The following NR2C2 variants were observed in gnomAD, a reference collection of about 807,000 sequenced individuals.
NR2C2 encodes the protein nuclear receptor subfamily 2 group C member 2.
Under a neutral mutation model 62.9 loss-of-function variants are expected in NR2C2, and 6 were observed. That is an observed-to-expected ratio of 0.10 (90% CI 0.05 to 0.19). The LOEUF (loss-of-function observed/expected upper bound fraction) is 0.19, where lower values mean the gene tolerates loss of function less well. NR2C2 is among the 10% of genes least tolerant of loss of function. The pLI is 1.00. For synonymous variants in NR2C2, 272 were observed against 273.8 expected (o/e 0.99, Z 0.07); for missense variants, 479 against 762.7 (o/e 0.63, Z 4.38).
rs775314702 is a variant in NR2C2, at chr3:15,028,615, A to G, written c.828A>G (p.Thr276=). The G allele has an allele frequency of 3.7e-5, 59 of 1,613,868 alleles. No homozygotes were observed. The highest frequency in any genetic ancestry group is 1.4e-5 in the Non-Finnish European group (17 of 1,179,868). ...KAETSQGALG[T]LANVVTSLAN... Reference sequence around the variant, plus strand: ...AAACAAGCCAGGGAGCTCTGGGCACACTGGCAAATGTAGTGACCTCCCTTG... The same window carrying G: ...AAACAAGCCAGGGAGCTCTGGGCACGCTGGCAAATGTAGTGACCTCCCTTG... The change falls in exon 8 of 14, where the codon ACA becomes ACG. Residue 276 remains threonine, a synonymous_variant. Transcript: ENST00000425241.
intron 2 of NR2C2, among the ~76,000 whole-genome samples, chr3:15,007,006 C>T (rs1049586879): frequency 2.0e-5 from 3 of 152,036 alleles, no homozygotes; most frequent in Admixed American, 2.0e-4. Flanking sequence ...AACTCCTGAC[C>T]TCAGCTGATC....
At chr3:14,954,752 T>C (rs1219213153) in intron 1 of NR2C2, among the ~76,000 whole-genome samples, 1 of 152,152 alleles carries the variant, frequency 6.6e-6, no homozygotes. Flanking sequence ...TGTCTTGTTT[T>C]CTGATCTGAG....
chr3:14,979,320 G>A (rs1353093854), intron 1 of NR2C2, among the ~76,000 whole-genome samples: 1 of 152,138 alleles, frequency 6.6e-6, no homozygotes, highest in Non-Finnish European at 1.5e-5. Flanking sequence ...GGACTGCAAG[G>A]TATTCCAGAA....
At chr3:15,036,571 C>T (rs576073504) in intron 11 of NR2C2, among the ~76,000 whole-genome samples, 24 of 152,214 alleles carry the variant, frequency 1.6e-4, no homozygotes, top group Non-Finnish European at 2.9e-4. Context: ...CTCACTACAG[C>T]CTTGAACCCC....
At chr3:15,012,531 TC>T (rs1284288380) in intron 2 of NR2C2, among the ~76,000 whole-genome samples, 2 of 136,650 alleles carry the variant, frequency 1.5e-5, no homozygotes, top group African/African-American at 5.8e-5. Flanking sequence ...CGGCTGGAGT[TC>T]CATTTCAAAA....
intron 1 of NR2C2, among the ~76,000 whole-genome samples, chr3:14,964,811 C>T (rs9851565): frequency 0.039 from 5,903 of 152,176 alleles, 394 homozygotes; most frequent in African/African-American, 0.13. Flanking sequence ...CGTGAGCCAC[C>T]GTGCCCGGCC....
chr3:15,012,417 G>T (rs2041381699), intron 2 of NR2C2, among the ~76,000 whole-genome samples: 1 of 152,064 alleles, frequency 6.6e-6, no homozygotes, highest in African/African-American at 2.4e-5. Flanking sequence ...GTAGAGACAG[G>T]GTTTCGCCAT....
At chr3:15,034,551 C>G in intron 10 of NR2C2, 119 bp from the exon 11 acceptor site, 1 of 1,008,170 alleles carries the variant, frequency 9.9e-7, no homozygotes. Flanking sequence ...GATAGCACTT[C>G]AATAAACACT....
At chr3:15,002,938 G>A (rs1268354915) in intron 1 of NR2C2, among the ~76,000 whole-genome samples, 2 of 148,924 alleles carry the variant, frequency 1.3e-5, no homozygotes, top group African/African-American at 4.9e-5. Flanking sequence ...GATTACAGGC[G>A]TGAGCTACCG....
intron 7 of NR2C2, chr3:15,026,759 G>T (rs1472716209): frequency 6.6e-6 from 1 of 152,102 alleles, no homozygotes; most frequent in Non-Finnish European, 1.5e-5. Flanking sequence ...GAGTGCAGTG[G>T]TGCCACCTCG....
At chr3:14,948,565 G>A (rs1293035882) in intron 1 of NR2C2, 1 of 152,092 alleles carries the variant, frequency 6.6e-6, no homozygotes, top group Non-Finnish European at 1.5e-5. Context: ...GTAGAGGCCG[G>A]GGCGAAGAGT....
intron 9 of NR2C2, 64 bp downstream of exon 9, chr3:15,030,516 C>T (rs886347314): frequency 2.8e-6 from 4 of 1,446,514 alleles, no homozygotes; most frequent in Non-Finnish European, 3.7e-6. Context: ...GTACCAAAGC[C>T]GATCTGCAGT....
At chr3:15,010,813 C>T (rs1042253294) in intron 2 of NR2C2, among the ~76,000 whole-genome samples, 6 of 152,098 alleles carry the variant, frequency 3.9e-5, no homozygotes, top group African/African-American at 1.4e-4. Flanking sequence ...CCCAACATAC[C>T]CTGACCTCAT....
chr3:14,969,949 A>T (rs969295136), intron 1 of NR2C2, among the ~76,000 whole-genome samples: 1 of 152,240 alleles, frequency 6.6e-6, no homozygotes, highest in Non-Finnish European at 1.5e-5. Flanking sequence ...AGGGAAAAGC[A>T]AAGTTGGGTT....
At chr3:14,949,233 AAAG>A (rs1204413978) in intron 1 of NR2C2, among the ~76,000 whole-genome samples, 2 of 152,214 alleles carry the variant, frequency 1.3e-5, no homozygotes, top group African/African-American at 4.8e-5. Flanking sequence ...CTGTGAAAGA[AAAG>A]AAGCCAAATG....
At chr3:15,015,171 T>A (rs2041474327) in intron 3 of NR2C2, among the ~76,000 whole-genome samples, 1 of 152,240 alleles carries the variant, frequency 6.6e-6, no homozygotes, top group South Asian at 2.1e-4. Context: ...GGCTGTTGAT[T>A]TTGTTGCATG....
intron 1 of NR2C2, among the ~76,000 whole-genome samples, chr3:14,951,865 C>CGAG (rs2039372728): frequency 6.6e-6 from 1 of 152,058 alleles, no homozygotes; most frequent in Admixed American, 6.5e-5. Context: ...CTTCTGCCTC[C>CGAG]GCCTCCCCAG....
rs1049936929 is a variant in NR2C2 at position 15,045,329 on chromosome 3, G to A, written c.*2321G>A. The A allele has an allele frequency of 6.6e-6, 1 of 152,656 alleles. No homozygotes were observed. Among genetic ancestry groups the A allele is most frequent in the Non-Finnish European group, 1.5e-5 (1 of 68,054 alleles). The allele number at this position is 152,656 out of a possible 1,614,324, so 9.5% of individuals were successfully genotyped here. On this transcript the variant is annotated 3_prime_UTR_variant, in exon 14 of 14. Coordinates refer to ENST00000425241, the MANE Select transcript of NR2C2 (RefSeq NM_001291694.2). ...CACCAGCCCCTCCTCTCATTCCCAG[G>A]TCATTCAGTGGCAGCCAGTAGGCTG...
intron 1 of NR2C2, chr3:14,948,376 G>A (rs1175236211): frequency 1.3e-5 from 2 of 152,256 alleles, no homozygotes; most frequent in Non-Finnish European, 2.9e-5. Context: ...GAAGGGGAGG[G>A]TAAAAGAAAA....
Sources: allele counts gnomAD v4.1 joint callset (sites outside exome capture counted in the v4.1 genomes callset), GRCh38; gene constraint gnomAD v4.1.1; transcripts MANE v1.5; gene names NCBI Gene and HGNC (gene_info 2026-07-23, HGNC 2026-07-21).